The following BTRC variants were observed in gnomAD, a reference collection of about 807,000 sequenced individuals.
BTRC encodes the protein beta-transducin repeat containing E3 ubiquitin protein ligase.
In BTRC, 42 loss-of-function variants were observed where a neutral mutation model predicts 85.5. That is an observed-to-expected ratio of 0.49 (90% CI 0.38 to 0.64). The LOEUF is 0.64. Ranked by LOEUF, BTRC falls within the 30% of genes least tolerant of loss-of-function variation. BTRC has a pLI of 0.00. For missense variants in BTRC, 594 were observed against 743.5 expected, an observed-to-expected ratio of 0.80 and a Z score of 2.34; for synonymous variants, 255 against 263.3, an observed-to-expected ratio of 0.97 and a Z score of 0.30.
chr10:101,401,270 C>T lies in BTRC; in HGVS notation c.49-29075C>T, dbSNP rs117680889. 1.4e-4 allele frequency among the ~76,000 whole-genome samples: 22 copies of T among 152,212 alleles called. No individual in the cohort carries two copies. The East Asian group carries it at 3.7e-3, about 25-fold the overall frequency. ...GTAAATTGCAGTTTTACTCTTATCA[C>T]GTGAATGAGCATTCAAAAATACAGA... is the stretch of plus-strand genomic sequence containing the variant. On this transcript the variant is annotated intron_variant, in intron 1 of 14. Coordinates refer to ENST00000370187, the MANE Select transcript of BTRC (RefSeq NM_033637.4).
chr10:101,543,185 G>A (rs2062497820), intron 13 of BTRC, among the ~76,000 whole-genome samples: 1 of 152,118 alleles, frequency 6.6e-6, no homozygotes, highest in Non-Finnish European at 1.5e-5. Flanking sequence ...GCCACTTCTT[G>A]TATTTTTAAG....
rs533320830 is a variant in BTRC, at chr10:101,368,164, G to T, written c.48+13936G>T. Reference sequence around the variant, plus strand: ...TCCTTTTGGAAATAAGTGAGTTCTCGCTCCATTAGTTCCTGCCAGAGTTGG... The same window carrying T: ...TCCTTTTGGAAATAAGTGAGTTCTCTCTCCATTAGTTCCTGCCAGAGTTGG... On this transcript the variant is annotated intron_variant, in intron 1 of 14. Coordinates refer to ENST00000370187, the MANE Select transcript of BTRC (RefSeq NM_033637.4). Among the ~76,000 whole-genome samples, 40 of 152,252 alleles carry T rather than the reference G, an allele frequency of 2.6e-4. 1 individual carries two copies. In the South Asian group the frequency reaches 8.1e-3, roughly 31 times the overall value.
intron 1 of BTRC, among the ~76,000 whole-genome samples, chr10:101,420,311 A>T (rs914442047): frequency 1.3e-5 from 2 of 151,898 alleles, no homozygotes; most frequent in Non-Finnish European, 2.9e-5. Context: ...TGTTGCTGAC[A>T]TATCTCTCGC....
intron 1 of BTRC, among the ~76,000 whole-genome samples, chr10:101,380,424 T>C (rs771763785): frequency 6.6e-5 from 10 of 151,978 alleles, no homozygotes; most frequent in Admixed American, 2.6e-4. Context: ...AAATGCAAAC[T>C]TGGGGAGGGC....
At chr10:101,398,457 T>G (rs773390872) in intron 1 of BTRC, among the ~76,000 whole-genome samples, 3 of 151,908 alleles carry the variant, frequency 2.0e-5, no homozygotes, top group Non-Finnish European at 4.4e-5. Flanking sequence ...TGCCCGACAC[T>G]GTGCCCAGAT....
chr10:101,526,049 C>T lies in BTRC; in HGVS notation c.593C>T (p.Ser198Leu), dbSNP rs370875449. The change falls in exon 6 of 15, where the codon TCA becomes TTA. Residue 198 changes from serine (S) to leucine (L), a missense_variant. Ser to Leu is a moderately radical substitution (Grantham distance 145). Transcript: ENST00000370187. ...GLDHIAENILSYLDAKSLCAA... is the reference protein window; with the variant it reads ...GLDHIAENILLYLDAKSLCAA... ...GATCATATTGCTGAGAACATTCTGT[C>T]ATACCTGGATGCCAAATCACTATGT... The T allele has an allele frequency of 1.9e-6, 3 of 1,614,068 alleles. No individual in the cohort carries two copies. The highest frequency in any genetic ancestry group is 2.7e-5 in the African/African-American group (2 of 74,928).
At chr10:101,516,083 AT>A (rs936413698) in intron 4 of BTRC, among the ~76,000 whole-genome samples, 1 of 152,186 alleles carries the variant, frequency 6.6e-6, no homozygotes, top group African/African-American at 2.4e-5. Flanking sequence ...TTATACTTTA[AT>A]GAAAATTAAA....
chr10:101,545,157 T>C (rs2062540162), intron 13 of BTRC, among the ~76,000 whole-genome samples: 1 of 152,184 alleles, frequency 6.6e-6, no homozygotes, highest in South Asian at 2.1e-4. Flanking sequence ...TGGAAGTCAC[T>C]CATCTCCATT....
At chr10:101,512,700 T>C (rs932619697) in intron 4 of BTRC, among the ~76,000 whole-genome samples, 4 of 152,204 alleles carry the variant, frequency 2.6e-5, no homozygotes, top group African/African-American at 7.2e-5. Context: ...ATTTTGAAAG[T>C]GGTACGTGAA....
chr10:101,423,659 ACT>A (rs1216784612), intron 1 of BTRC, among the ~76,000 whole-genome samples: 3 of 152,134 alleles, frequency 2.0e-5, no homozygotes, highest in African/African-American at 4.8e-5. Flanking sequence ...ACTTGAGTGT[ACT>A]CTCTTGTTAA....
chr10:101,557,045 A>G lies in BTRC; in HGVS notation c.*3922A>G, dbSNP rs1167278559. ...AAGCGGTGACCACTCAGGCCAGCCC[A>G]GACAAATCTGAGGGATGGCCAGTGC... On this transcript the variant is annotated 3_prime_UTR_variant, in exon 15 of 15. Coordinates refer to ENST00000370187, the MANE Select transcript of BTRC (RefSeq NM_033637.4). 6.6e-6 allele frequency: 1 copy of G among 152,234 alleles called. No individual in the cohort carries two copies. The highest frequency in any genetic ancestry group is 1.5e-5 in the Non-Finnish European group (1 of 68,040). 9.4% of individuals were successfully genotyped at this position (152,234 alleles called of 1,614,324 possible).
intron 3 of BTRC, among the ~76,000 whole-genome samples, chr10:101,471,695 C>A (rs1405336622): frequency 6.6e-6 from 1 of 152,080 alleles, no homozygotes; most frequent in East Asian, 1.9e-4. Flanking sequence ...ATTCACAAAC[C>A]ACTTGGGCCT....
chr10:101,412,957 C>A (rs1410421384), intron 1 of BTRC, among the ~76,000 whole-genome samples: 1 of 152,050 alleles, frequency 6.6e-6, no homozygotes, highest in African/African-American at 2.4e-5. Flanking sequence ...AAAATGATAA[C>A]CCTTTCATTG....
chr10:101,518,563 G>A (rs1589585026), intron 4 of BTRC, among the ~76,000 whole-genome samples: 1 of 152,154 alleles, frequency 6.6e-6, no homozygotes, highest in African/African-American at 2.4e-5. Context: ...TCATGTAGAG[G>A]GAGGGCTGGA....
chr10:101,378,668 G>A (rs1328578678), intron 1 of BTRC, among the ~76,000 whole-genome samples: 1 of 151,852 alleles, frequency 6.6e-6, no homozygotes, highest in Admixed American at 6.6e-5. Flanking sequence ...GGGACTACAG[G>A]AATGAGCCAC....
chr10:101,414,449 A>T (rs1195199482), intron 1 of BTRC, among the ~76,000 whole-genome samples: 1 of 152,230 alleles, frequency 6.6e-6, no homozygotes. Context: ...TGTACAGTAC[A>T]TAATACTTGA....
intron 2 of BTRC, among the ~76,000 whole-genome samples, chr10:101,441,553 G>A (rs1226805797): frequency 6.6e-6 from 1 of 152,182 alleles, no homozygotes; most frequent in East Asian, 1.9e-4. Context: ...ACTTCTTGAA[G>A]CATCTTGCTT....
intron 9 of BTRC, among the ~76,000 whole-genome samples, chr10:101,534,294 T>G (rs771959408): frequency 3.3e-5 from 5 of 152,196 alleles, no homozygotes; most frequent in Non-Finnish European, 7.3e-5. Flanking sequence ...CTTGGCCTAT[T>G]TCATTTCTGG....
rs552722579 is a variant in BTRC, at chr10:101,443,622, A to T, written c.156+13170A>T. ...GCATAGAAAAGTTTTAATTTCTTCTATGTAATCTTCATTATTAAAATATGT... is the reference window on the plus strand; with the variant it reads ...GCATAGAAAAGTTTTAATTTCTTCTTTGTAATCTTCATTATTAAAATATGT... On this transcript the variant is annotated intron_variant, in intron 2 of 14. Transcript: ENST00000370187. 1.3e-3 allele frequency among the ~76,000 whole-genome samples: 197 copies of T among 152,344 alleles called. 3 individuals carry two copies. Among genetic ancestry groups the T allele is most frequent in the African/African-American group, 4.2e-3 (173 of 41,582 alleles).
Sources: allele counts gnomAD v4.1 joint callset (sites outside exome capture counted in the v4.1 genomes callset), GRCh38; gene constraint gnomAD v4.1.1; transcripts MANE v1.5; gene names NCBI Gene and HGNC (gene_info 2026-07-23, HGNC 2026-07-21).